The following SLC35E1 variants were observed in gnomAD, a reference collection of about 807,000 sequenced individuals.
The protein encoded by SLC35E1 is solute carrier family 35, member E1.
SLC35E1 carries 12 observed loss-of-function variants against 31.0 expected under a neutral mutation model. The ratio of observed to expected loss-of-function variants is 0.39; its 90% CI spans 0.25 to 0.63. The LOEUF is 0.63. Ranked by LOEUF, SLC35E1 falls within the 20% of genes least tolerant of loss-of-function variation. The probability of loss-of-function intolerance (pLI) is 0.52; values close to 1 mark genes in which losing one functional copy is unlikely to be tolerated. For synonymous variants in SLC35E1, 257 were observed against 264.1 expected (o/e 0.97, Z 0.26); for missense variants, 429 against 572.2 (o/e 0.75, Z 2.55).
chr19:16,554,014 C>CAA, intron 5 of SLC35E1, 105 bp from the exon 6 acceptor site: 2 of 1,011,506 alleles, frequency 2.0e-6, no homozygotes, highest in Non-Finnish European at 2.8e-6. Context: ...CCTGTAATCC[C>CAA]AGCACTTTGG....
intron 4 of SLC35E1, among the ~76,000 whole-genome samples, chr19:16,559,655 G>A (rs2085894836): frequency 6.6e-6 from 1 of 152,046 alleles, no homozygotes; most frequent in African/African-American, 2.4e-5. Flanking sequence ...CTCTCTCAAA[G>A]GAATTTAAAA....
intron 4 of SLC35E1, among the ~76,000 whole-genome samples, chr19:16,560,733 G>A (rs565826873): frequency 7.9e-5 from 12 of 150,946 alleles, no homozygotes; most frequent in Admixed American, 4.0e-4. Context: ...GTGGTGGTGC[G>A]CGCCTACAAT....
chr19:16,571,631 C>T, intron 1 of SLC35E1, 49 bp from the exon 2 acceptor site: 2 of 1,591,648 alleles, frequency 1.3e-6, no homozygotes, highest in Non-Finnish European at 8.6e-7. Flanking sequence ...ATTTCAGGGC[C>T]CAACCTGTTC....
intron 4 of SLC35E1, chr19:16,557,254 C>T (rs201777409): frequency 4.3e-5 from 12 of 277,286 alleles, no homozygotes; most frequent in South Asian, 2.1e-4. Context: ...AGTGCAGTGG[C>T]GCGATCTCTG....
Position 16,555,344 on chromosome 19 carries a change from G to A in SLC35E1, c.810C>T (p.Phe270=), listed in dbSNP as rs763749900. The A allele has an allele frequency of 3.3e-5, 53 of 1,613,756 alleles. No homozygotes were observed. The South Asian group carries it at 4.5e-4, about 14-fold the overall frequency. The change falls in exon 5 of 6, where the codon TTC becomes TTT. Residue 270 remains phenylalanine, a synonymous_variant. Transcript: ENST00000595753. This position sits in a 1 kb window ranked among gnomAD's most constrained non-coding sequence, Gnocchi z 4.1. The stretch of plus-strand genomic sequence containing the variant: ...CGATAACATTCTGGGCAAAGTTACA[G>A]AAGCCGCTGACAGCCAGGAGCAGGA... ...WTLLLLAVSG[F]CNFAQNVIAF...
intron 4 of SLC35E1, among the ~76,000 whole-genome samples, chr19:16,557,779 C>T (rs1226723553): frequency 6.6e-6 from 1 of 152,206 alleles, no homozygotes; most frequent in Non-Finnish European, 1.5e-5. Context: ...CTGAGTAATG[C>T]TCCACTGTGT....
chr19:16,568,801 G>T (rs1250547862), intron 2 of SLC35E1, among the ~76,000 whole-genome samples: 2 of 152,156 alleles, frequency 1.3e-5, no homozygotes, highest in African/African-American at 4.8e-5. Flanking sequence ...CAAAGTACTG[G>T]GATTACAGGT....
chr19:16,559,380 G>A lies in SLC35E1; in HGVS notation c.757-3983C>T, dbSNP rs1028412359. Reference sequence around the variant, plus strand: ...CATGTCTATAGTCCCAGCACTTTGGGAGGCTGAGGCGGGTGGATCACTTAA... The same window carrying A: ...CATGTCTATAGTCCCAGCACTTTGGAAGGCTGAGGCGGGTGGATCACTTAA... On this transcript the variant is annotated intron_variant, in intron 4 of 5. Transcript: ENST00000595753. Among the ~76,000 whole-genome samples the A allele has an allele frequency of 1.6e-4, 25 of 152,072 alleles. 1 individual carries two copies. The highest frequency in any genetic ancestry group is 5.8e-4 in the African/African-American group (24 of 41,464).
At chr19:16,571,743 T>C (rs972775935) in intron 1 of SLC35E1, among the ~76,000 whole-genome samples, 161 bp from the exon 2 acceptor site, 1 of 152,224 alleles carries the variant, frequency 6.6e-6, no homozygotes, top group Non-Finnish European at 1.5e-5. Flanking sequence ...TGGTCTGTCC[T>C]GCTTACCTCT....
chr19:16,553,953 T>C (rs762975890), intron 5 of SLC35E1, 44 bp from the exon 6 acceptor site: 6 of 1,490,324 alleles, frequency 4.0e-6, no homozygotes, highest in Non-Finnish European at 3.6e-6. Context: ...GCCCGGGGCA[T>C]AAGAGCTCGT....
At chr19:16,557,593 C>T (rs2085881356) in intron 4 of SLC35E1, among the ~76,000 whole-genome samples, 2 of 152,318 alleles carry the variant, frequency 1.3e-5, no homozygotes, top group Admixed American at 1.3e-4. Flanking sequence ...TAACCCCCTC[C>T]TCCTAAACCT....
At chr19:16,557,588 C>CT (rs1248078302) in intron 4 of SLC35E1, among the ~76,000 whole-genome samples, 2 of 152,144 alleles carry the variant, frequency 1.3e-5, no homozygotes, top group African/African-American at 4.8e-5. Flanking sequence ...TGTCCTAACC[C>CT]CCTCCTCCTA....
At chr19:16,554,307 G>T (rs2085863139) in intron 5 of SLC35E1, among the ~76,000 whole-genome samples, 1 of 151,662 alleles carries the variant, frequency 6.6e-6, no homozygotes, top group Non-Finnish European at 1.5e-5. Flanking sequence ...TAACCTCCGG[G>T]GCCGGCATAA....
rs1447223936 is a variant in SLC35E1 at position 16,566,516 on chromosome 19, GTGC to G, written c.756+13_756+15del. On this transcript the variant is annotated intron_variant, in intron 4 of 5. Coordinates refer to ENST00000595753, the MANE Select transcript of SLC35E1 (RefSeq NM_024881.5). Reference sequence around the variant, plus strand: ...TAGCCAAGAAAATGGCGTGTTCTTGGTGCTGTACAACTCACCAAGTCGCTGCTG... The same window carrying G: ...TAGCCAAGAAAATGGCGTGTTCTTGGTGTACAACTCACCAAGTCGCTGCTG... 6.2e-7 allele frequency: 1 copy of G among 1,612,452 alleles called. No homozygotes were observed. The highest frequency in any genetic ancestry group is 1.7e-5 in the Admixed American group (1 of 60,000).
chr19:16,565,382 G>A (rs976286011), intron 4 of SLC35E1: 1 of 310,232 alleles, frequency 3.2e-6, no homozygotes, highest in Non-Finnish European at 6.4e-6. Flanking sequence ...GGCTAATTTT[G>A]TATTTTTAGT....
Position 16,559,965 on chromosome 19 carries a change from G to A in SLC35E1, c.757-4568C>T, listed in dbSNP as rs375127322. On this transcript the variant is annotated intron_variant, in intron 4 of 5. Transcript: ENST00000595753. ...TGATGTTTTGTTTTAGCAGGCAATT[G>A]ATGATGCTGGGTTCAGGCTGCAGGC... 4.9e-4 allele frequency among the ~76,000 whole-genome samples: 75 copies of A among 152,304 alleles called. 1 individual carries two copies. Among genetic ancestry groups the A allele is most frequent in the African/African-American group, 1.7e-3 (72 of 41,568 alleles).
intron 4 of SLC35E1, among the ~76,000 whole-genome samples, chr19:16,559,019 T>C (rs899185198): frequency 1.3e-5 from 2 of 151,836 alleles, no homozygotes; most frequent in Non-Finnish European, 2.9e-5. Context: ...CCATCTGCCT[T>C]GGCCTCCCAA....
chr19:16,555,047 T>C lies in SLC35E1; in HGVS notation c.1002+105A>G. The C allele has an allele frequency of 6.7e-7, 1 of 1,497,426 alleles. No individual in the cohort carries two copies. The highest frequency in any genetic ancestry group is 8.9e-7 in the Non-Finnish European group (1 of 1,117,528). 92.8% of individuals were successfully genotyped at this position (1,497,426 alleles called of 1,614,324 possible). A position where few individuals can be genotyped will look rare whatever the true frequency, so the allele number is the denominator to read the frequency against. ...CATAAACCAGTCAGTGGCAAAGCTC[T>C]GACATACAACCCCAGCCTTGAGCGC... On this transcript the variant is annotated intron_variant, in intron 5 of 5. Transcript: ENST00000595753. This position sits in a 1 kb window ranked among gnomAD's most constrained non-coding sequence, Gnocchi z 4.1.
chr19:16,567,091 A>G (rs952380412), intron 3 of SLC35E1, among the ~76,000 whole-genome samples: 4 of 152,260 alleles, frequency 2.6e-5, no homozygotes, highest in African/African-American at 9.6e-5. Context: ...TTTCTACATT[A>G]CAATGAAAAG....
Sources: gnomAD v4.1 joint callset for allele counts (sites outside exome capture counted in the v4.1 genomes callset) on GRCh38, gnomAD v4.1.1 for gene constraint, Gnocchi (gnomAD v3.1) non-coding constraint, MANE v1.5 for transcripts, NCBI Gene and HGNC (gene_info 2026-07-23, HGNC 2026-07-21) for gene names.